Variants in KLF8 observed in about 807,000 individuals in gnomAD.
KLF8 encodes the protein KLF transcription factor 8, also known as Krueppel-like factor 8.
A neutral mutation model predicts 18.2 loss-of-function variants in KLF8; 10 were observed. The ratio of observed to expected loss-of-function variants is 0.55; its 90% CI spans 0.34 to 0.93. The LOEUF is 0.93. Among genes scored for constraint, KLF8 ranks in the 40% least tolerant of loss-of-function variants. KLF8 has a pLI of 0.02. For synonymous variants in KLF8, 109 were observed against 97.3 expected, an observed-to-expected ratio of 1.12 and a Z score of -0.71; for missense variants, 264 against 277.9, an observed-to-expected ratio of 0.95 and a Z score of 0.36.
At chrX:56,267,752 T>G in intron 3 of KLF8, 1 of 112,110 alleles carries the variant, frequency 8.9e-6, no homozygotes, top group South Asian at 3.7e-4. Context: ...GTGGAATGGT[T>G]AAATCTAGCT....
the KLF8 span, among the ~76,000 whole-genome samples, chrX:56,192,228 C>T: frequency 9.0e-6 from 1 of 111,157 alleles, no homozygotes; most frequent in Non-Finnish European, 1.9e-5. Context: ...TTTACAATAG[C>T]TAAAATTAAA....
chrX:55,947,286 A>C, the KLF8 span, among the ~76,000 whole-genome samples: 1 of 110,407 alleles, frequency 9.1e-6, no homozygotes, highest in Admixed American at 9.7e-5. Flanking sequence ...GCACATATAC[A>C]CCATGGAATA....
chrX:56,034,707 CATCTTACA>C, the KLF8 span, among the ~76,000 whole-genome samples: 20,256 of 101,304 alleles, frequency 0.2, 4,615 homozygotes, highest in African/African-American at 0.64. Flanking sequence ...TAACTATAGT[CATCTTACA>C]ATCTTACAAT....
the KLF8 span, among the ~76,000 whole-genome samples, chrX:55,960,989 G>A: frequency 2.4e-4 from 27 of 111,685 alleles, no homozygotes; most frequent in African/African-American, 8.8e-4. Flanking sequence ...AGGGAATGGA[G>A]ATAGGTTTAT....
At chrX:56,144,756 C>CA in the KLF8 span, among the ~76,000 whole-genome samples, 1,592 of 64,483 alleles carry the variant, frequency 0.025, 18 homozygotes, top group African/African-American at 0.043. Flanking sequence ...CTGTCTCACA[C>CA]AAAAAAAAAA....
chrX:55,939,264 C>T, the KLF8 span, among the ~76,000 whole-genome samples: 1 of 111,555 alleles, frequency 9.0e-6, no homozygotes, highest in Non-Finnish European at 1.9e-5. Flanking sequence ...ACAACCTGCT[C>T]CTGAATAACT....
At chrX:56,147,910 G>A in the KLF8 span, among the ~76,000 whole-genome samples, 1 of 112,143 alleles carries the variant, frequency 8.9e-6, no homozygotes, top group East Asian at 2.8e-4. Flanking sequence ...CCTGGGAGGC[G>A]GAGGTTACAG....
the KLF8 span, among the ~76,000 whole-genome samples, chrX:56,161,617 A>G: frequency 3.6e-4 from 40 of 111,637 alleles, no homozygotes; most frequent in East Asian, 9.6e-3. Flanking sequence ...TTTCAGCTCC[A>G]TGAGGTCCTT....
At chrX:56,189,635 A>G in the KLF8 span, among the ~76,000 whole-genome samples, 448 of 110,936 alleles carry the variant, frequency 4.0e-3, 1 homozygote, top group African/African-American at 0.014. Context: ...GTCCAACAAC[A>G]ATAGACTGGA....
the KLF8 span, among the ~76,000 whole-genome samples, chrX:56,067,574 C>A: frequency 1.8e-5 from 2 of 111,230 alleles, no homozygotes; most frequent in Non-Finnish European, 3.8e-5. Flanking sequence ...AGCAGGGGAA[C>A]ACAGAGAGCA....
intron 1 of KLF8, among the ~76,000 whole-genome samples, chrX:56,240,258 G>C (rs2066526671): frequency 8.9e-6 from 1 of 112,024 alleles, no homozygotes; most frequent in South Asian, 3.7e-4. Context: ...GACTCTTCTA[G>C]GATGCCTTGT....
the KLF8 span, among the ~76,000 whole-genome samples, chrX:55,941,830 C>T: frequency 9.0e-6 from 1 of 111,725 alleles, no homozygotes; most frequent in African/African-American, 3.3e-5. Flanking sequence ...CCATCTCACA[C>T]CAGTTAGAAT....
At chrX:56,220,571 C>T in the KLF8 span, among the ~76,000 whole-genome samples, 41 of 111,318 alleles carry the variant, frequency 3.7e-4, 1 homozygote, top group Middle Eastern at 0.032. Context: ...CTGCAACCTC[C>T]GCCTCCCAGG....
chrX:56,145,098 G>A, the KLF8 span, among the ~76,000 whole-genome samples: 5 of 111,188 alleles, frequency 4.5e-5, no homozygotes, highest in Non-Finnish European at 7.5e-5. Flanking sequence ...CAGCCAGAAT[G>A]CATAGAGAAC....
chrX:56,080,347 G>A, the KLF8 span, among the ~76,000 whole-genome samples: 1 of 111,012 alleles, frequency 9.0e-6, no homozygotes, highest in Non-Finnish European at 1.9e-5. Flanking sequence ...AGACCTGGTG[G>A]TGACAAAATC....
the KLF8 span, among the ~76,000 whole-genome samples, chrX:56,110,527 G>GT: frequency 1.8e-5 from 2 of 111,495 alleles, no homozygotes; most frequent in Non-Finnish European, 3.8e-5. Context: ...TAATTTATTT[G>GT]TTTCTCAATT....
chrX:56,070,898 C>G, the KLF8 span, among the ~76,000 whole-genome samples: 1 of 112,513 alleles, frequency 8.9e-6, no homozygotes, highest in African/African-American at 3.2e-5. Context: ...ATGTAAGAAA[C>G]AGTATCCTAT....
At chrX:56,048,162 T>C in the KLF8 span, among the ~76,000 whole-genome samples, 1 of 112,001 alleles carries the variant, frequency 8.9e-6, no homozygotes, top group Non-Finnish European at 1.9e-5. Flanking sequence ...AGATTCTGGA[T>C]ATTAGCCCTT....
the KLF8 span, among the ~76,000 whole-genome samples, chrX:55,941,504 G>A: frequency 1.8e-5 from 2 of 111,872 alleles, no homozygotes; most frequent in Non-Finnish European, 3.8e-5. Context: ...GGCAACAAAA[G>A]CCAAAACTGA....
Sources: allele counts gnomAD v4.1 joint callset (sites outside exome capture counted in the v4.1 genomes callset), GRCh38; gene constraint gnomAD v4.1.1; transcripts MANE v1.5; gene names NCBI Gene and HGNC (gene_info 2026-07-23, HGNC 2026-07-21).